Variants in CYSTM1 observed in about 807,000 individuals in gnomAD.
CYSTM1 encodes cysteine-rich transmembrane module-containing protein 1.
Under a neutral mutation model 13.1 loss-of-function variants are expected in CYSTM1, and 4 were observed. That is an observed-to-expected ratio of 0.31 (90% CI 0.15 to 0.70). The LOEUF is 0.70. Among genes scored for constraint, CYSTM1 ranks in the 30% least tolerant of loss-of-function variants. The pLI is 0.72. For missense variants in CYSTM1, 96 were observed against 121.6 expected (o/e 0.79, Z 0.99); for synonymous variants, 36 against 42.7 (o/e 0.84, Z 0.62).
chr5:140,213,853 A>G (rs1270535421), intron 2 of CYSTM1, among the ~76,000 whole-genome samples: 2 of 152,200 alleles, frequency 1.3e-5, no homozygotes, highest in Non-Finnish European at 2.9e-5. Flanking sequence ...ACAATGACAA[A>G]AATGCCTAAC....
At chr5:140,225,602 T>C (rs1002381582) in intron 2 of CYSTM1, among the ~76,000 whole-genome samples, 16 of 152,242 alleles carry the variant, frequency 1.1e-4, no homozygotes, top group African/African-American at 3.9e-4. Context: ...TAGTCATACT[T>C]CCCAAAGATG....
intron 1 of CYSTM1, among the ~76,000 whole-genome samples, chr5:140,179,915 A>G (rs1210822992): frequency 6.6e-6 from 1 of 152,080 alleles, no homozygotes; most frequent in Non-Finnish European, 1.5e-5. Flanking sequence ...CACCCGCCTC[A>G]GCCTCCCAAA....
intron 2 of CYSTM1, among the ~76,000 whole-genome samples, chr5:140,213,306 A>G (rs1764392594): frequency 6.6e-6 from 1 of 152,074 alleles, no homozygotes; most frequent in Non-Finnish European, 1.5e-5. Flanking sequence ...GAAAAAGCTT[A>G]TAGAATAAGG....
At chr5:140,218,243 T>C (rs1414531707) in intron 2 of CYSTM1, among the ~76,000 whole-genome samples, 1 of 152,156 alleles carries the variant, frequency 6.6e-6, no homozygotes, top group Non-Finnish European at 1.5e-5. Context: ...TTTTCCCATT[T>C]CCATGTCTCT....
intron 1 of CYSTM1, among the ~76,000 whole-genome samples, chr5:140,189,407 A>G (rs1359187333): frequency 6.6e-6 from 1 of 151,732 alleles, no homozygotes; most frequent in Non-Finnish European, 1.5e-5. Context: ...TGAGAGCTTC[A>G]CCAGACACAG....
chr5:140,199,902 TG>T (rs1764206257), intron 2 of CYSTM1, among the ~76,000 whole-genome samples: 1 of 152,286 alleles, frequency 6.6e-6, no homozygotes, highest in Non-Finnish European at 1.5e-5. Context: ...CATATGTTTT[TG>T]GACGCATAAA....
intron 1 of CYSTM1, among the ~76,000 whole-genome samples, chr5:140,180,330 T>A (rs949096063): frequency 1.3e-5 from 2 of 152,122 alleles, no homozygotes; most frequent in Non-Finnish European, 2.9e-5. Context: ...ACTTCTGACA[T>A]TTGTTGGCCA....
intron 1 of CYSTM1, among the ~76,000 whole-genome samples, chr5:140,181,578 G>A (rs1451442865): frequency 1.3e-5 from 2 of 152,184 alleles, no homozygotes; most frequent in Non-Finnish European, 2.9e-5. Flanking sequence ...AAACTCCTGG[G>A]CTCAAAAGAT....
At chr5:140,198,722 A>G (rs914993949) in intron 2 of CYSTM1, among the ~76,000 whole-genome samples, 16 of 152,218 alleles carry the variant, frequency 1.1e-4, no homozygotes, top group African/African-American at 3.9e-4. Context: ...TTCATGTACC[A>G]TACAATTTAC....
chr5:140,213,464 T>C (rs577543425), intron 2 of CYSTM1, among the ~76,000 whole-genome samples: 2 of 152,278 alleles, frequency 1.3e-5, no homozygotes, highest in African/African-American at 4.8e-5. Flanking sequence ...TTTTATAAAT[T>C]TAGTATAGCC....
intron 1 of CYSTM1, among the ~76,000 whole-genome samples, chr5:140,177,097 C>T (rs891495083): frequency 2.1e-4 from 29 of 135,378 alleles, no homozygotes; most frequent in Admixed American, 1.5e-4. Context: ...ATCTCTAGTC[C>T]TTTCCTGCCA....
intron 1 of CYSTM1, among the ~76,000 whole-genome samples, chr5:140,192,872 A>C (rs1293835742): frequency 6.6e-6 from 1 of 152,228 alleles, no homozygotes; most frequent in African/African-American, 2.4e-5. Flanking sequence ...TCCCTGAAGC[A>C]CATGAACTAC....
intron 1 of CYSTM1, among the ~76,000 whole-genome samples, chr5:140,188,755 G>T (rs1305073484): frequency 6.7e-6 from 1 of 148,182 alleles, no homozygotes; most frequent in African/African-American, 2.5e-5. Context: ...GTCCCACCTG[G>T]GTGGAAGAGC....
rs1764474735 is a variant in CYSTM1, at chr5:140,220,300, A to G, written c.188-23005A>G. Among the ~76,000 whole-genome samples, 3 of 152,280 alleles carry G rather than the reference A, an allele frequency of 2.0e-5. No individual in the cohort carries two copies. In the South Asian group the frequency reaches 6.2e-4, roughly 32 times the overall value. ...GCCCTATCAGTCAGAAGCCAGGGCTATTAGGGCTGGCTGTGGCAGCCAGGG... is the reference window on the plus strand; with the variant it reads ...GCCCTATCAGTCAGAAGCCAGGGCTGTTAGGGCTGGCTGTGGCAGCCAGGG... On this transcript the variant is annotated intron_variant, in intron 2 of 2. Transcript: ENST00000261811.
intron 1 of CYSTM1, among the ~76,000 whole-genome samples, chr5:140,192,495 A>G (rs1015751728): frequency 3.9e-5 from 6 of 152,182 alleles, no homozygotes; most frequent in African/African-American, 1.4e-4. Flanking sequence ...AGCTGTTATA[A>G]AGTCATCTGG....
At chr5:140,216,010 C>T (rs1386703450) in intron 2 of CYSTM1, among the ~76,000 whole-genome samples, 1 of 152,014 alleles carries the variant, frequency 6.6e-6, no homozygotes, top group African/African-American at 2.4e-5. Context: ...GGCATGGTGG[C>T]ACGTGCCTGT....
At chr5:140,199,832 GTA>G (rs1489417273) in intron 2 of CYSTM1, among the ~76,000 whole-genome samples, 7 of 152,184 alleles carry the variant, frequency 4.6e-5, no homozygotes, top group African/African-American at 1.7e-4. Context: ...GCGTGAGATG[GTA>G]TCTCATTGTG....
rs1269232478 is a variant in CYSTM1, at chr5:140,239,296, C to G, written c.188-4009C>G. Among the ~76,000 whole-genome samples the G allele has an allele frequency of 6.6e-6, 1 of 152,124 alleles. No individual in the cohort carries two copies. The highest frequency in any genetic ancestry group is 1.9e-4 in the East Asian group (1 of 5,184). ...TTCCTGCAGGTCATCCCTGCCCTGA[C>G]CTCTATGGAAACTGGAGCCCCACTT... On this transcript the variant is annotated intron_variant, in intron 2 of 2. Transcript: ENST00000261811. The surrounding 1 kb of genome is among the most constrained non-coding windows in gnomAD (Gnocchi z 5.4).
intron 2 of CYSTM1, among the ~76,000 whole-genome samples, chr5:140,237,218 T>G (rs201566756): frequency 6.6e-6 from 1 of 152,322 alleles, no homozygotes; most frequent in East Asian, 1.9e-4. Flanking sequence ...TGACTCTCCT[T>G]GGGACACTCT....
Sources: allele counts gnomAD v4.1 joint callset (sites outside exome capture counted in the v4.1 genomes callset), GRCh38; gene constraint gnomAD v4.1.1; non-coding constraint Gnocchi (gnomAD v3.1); transcripts MANE v1.5; gene names NCBI Gene and HGNC (gene_info 2026-07-23, HGNC 2026-07-21).